The following PCDHA5 variants were observed in gnomAD, a reference collection of about 807,000 sequenced individuals.
PCDHA5 encodes protocadherin alpha 5, also known as protocadherin alpha-5.
Under a neutral mutation model 61.6 loss-of-function variants are expected in PCDHA5, and 43 were observed. The observed-to-expected ratio is 0.70, with a 90% confidence interval of 0.55 to 0.90. PCDHA5 has a LOEUF of 0.90. Ranked by LOEUF, PCDHA5 falls within the 40% of genes least tolerant of loss-of-function variation. The probability of loss-of-function intolerance (pLI) is 0.00; values close to 1 mark genes in which losing one functional copy is unlikely to be tolerated. For missense variants in PCDHA5, 1,298 were observed against 1,222.7 expected (o/e 1.06, Z -0.92); for synonymous variants, 627 against 543.9 (o/e 1.15, Z -2.13).
In PCDHA5 at chr5:140,855,179, G is replaced by A. The variant is rs181253905; in HGVS notation, c.2352+31052G>A. Among the ~76,000 whole-genome samples, 493 of 149,782 alleles carry A rather than the reference G, an allele frequency of 3.3e-3. 32 individuals carry two copies. The highest frequency in any genetic ancestry group is 0.014 in the Middle Eastern group (4 of 290). ...ATTGAGCCTCATGAAAACAAATGTGGCCAAATTGAGGCCTGAGAATAGTTT... is the reference window on the plus strand; with the variant it reads ...ATTGAGCCTCATGAAAACAAATGTGACCAAATTGAGGCCTGAGAATAGTTT... On this transcript the variant is annotated intron_variant, in intron 1 of 3. Coordinates refer to ENST00000529859, the MANE Select transcript of PCDHA5 (RefSeq NM_018908.3).
chr5:140,835,543 G>A (rs2150237824), intron 1 of PCDHA5: 1 of 1,613,934 alleles, frequency 6.2e-7, no homozygotes, highest in African/African-American at 1.3e-5. Context: ...CAGGTTACCT[G>A]CTCCCTGACG....
chr5:140,966,998 C>G, intron 1 of PCDHA5: 1 of 1,604,774 alleles, frequency 6.2e-7, no homozygotes. Context: ...GGGTTGCTTG[C>G]GCATCAACCA....
rs782242128 is a variant in PCDHA5 at position 140,928,580 on chromosome 5, GT to G, written c.2353-50367del. 100 of 1,614,112 alleles carry G rather than the reference GT, an allele frequency of 6.2e-5. 1 individual carries two copies. The East Asian group carries it at 2.2e-3, about 36-fold the overall frequency. ...ATCTTGTTTCCCTTGCCCAGAAATG[GT>G]TCTGTCCCAGTGGAAATTGTGCCCC... On this transcript the variant is annotated intron_variant, in intron 1 of 3. Transcript: ENST00000529859.
At chr5:141,002,907 A>T (rs1201381868) in intron 3 of PCDHA5, among the ~76,000 whole-genome samples, 1 of 152,210 alleles carries the variant, frequency 6.6e-6, no homozygotes, top group Non-Finnish European at 1.5e-5. Flanking sequence ...TGAAGAGAAG[A>T]TCAGAAAAGT....
In PCDHA5 at chr5:140,829,619, G is replaced by A. The variant is rs2150171430; in HGVS notation, c.2352+5492G>A. 40 of 1,612,108 alleles carry A rather than the reference G, an allele frequency of 2.5e-5. No individual in the cohort carries two copies. In the Middle Eastern group the frequency reaches 8.2e-4, roughly 33 times the overall value. Reference sequence around the variant, plus strand: ...GCGCGCGTTGTCGAGCTACATTTCGGTGCACGCGGAGAGCGGCAAGGTGTA... The same window carrying A: ...GCGCGCGTTGTCGAGCTACATTTCGATGCACGCGGAGAGCGGCAAGGTGTA... On this transcript the variant is annotated intron_variant, in intron 1 of 3. Transcript: ENST00000529859.
intron 1 of PCDHA5, chr5:140,842,209 T>C (rs1777791559): frequency 6.2e-7 from 1 of 1,613,490 alleles, no homozygotes. Flanking sequence ...TTAGCATAGA[T>C]CGAAATACGG....
intron 1 of PCDHA5, among the ~76,000 whole-genome samples, chr5:140,924,695 G>C (rs1190287077): frequency 2.6e-5 from 4 of 152,024 alleles, no homozygotes; most frequent in African/African-American, 9.7e-5. Context: ...AGGAGTTCGA[G>C]ACCAGCTTGT....
At chr5:140,856,023 G>A in intron 1 of PCDHA5, 2 of 1,556,224 alleles carry the variant, frequency 1.3e-6, no homozygotes, top group Non-Finnish European at 8.7e-7. Context: ...CTGATTCGTC[G>A]ATTTGTAAAA....
intron 1 of PCDHA5, chr5:140,841,663 G>A: frequency 2.5e-6 from 4 of 1,614,102 alleles, no homozygotes; most frequent in Non-Finnish European, 3.4e-6. Flanking sequence ...ACAGGCCGCT[G>A]CAGGTTTTCC....
intron 1 of PCDHA5, chr5:140,843,325 G>A: frequency 6.3e-7 from 1 of 1,596,050 alleles, no homozygotes. Flanking sequence ...TTCTGGTGTC[G>A]CTGGTGGAGA....
chr5:140,969,075 A>G, intron 1 of PCDHA5: 1 of 1,614,184 alleles, frequency 6.2e-7, no homozygotes, highest in Non-Finnish European at 8.5e-7. Flanking sequence ...AGGATACCGC[A>G]TGGCCTCAAA....
At chr5:140,836,244 C>T (rs2150256239) in intron 1 of PCDHA5, 3 of 1,613,684 alleles carry the variant, frequency 1.9e-6, no homozygotes, top group South Asian at 2.2e-5. Flanking sequence ...TGCGAGCATC[C>T]CGTTCCGCGT....
At chr5:140,845,420 A>T (rs954218239) in intron 1 of PCDHA5, among the ~76,000 whole-genome samples, 2 of 149,530 alleles carry the variant, frequency 1.3e-5, no homozygotes, top group Admixed American at 6.7e-5. Flanking sequence ...GCAATTTATC[A>T]TTTAAGTCAT....
chr5:140,824,178 T>C, intron 1 of PCDHA5, 51 bp downstream of exon 1: 1 of 1,608,694 alleles, frequency 6.2e-7, no homozygotes, highest in Non-Finnish European at 8.5e-7. Context: ...TTTCAAATAT[T>C]AAATGTCACA....
intron 1 of PCDHA5, chr5:140,884,248 G>T (rs1554181373): frequency 1.2e-6 from 2 of 1,613,458 alleles, no homozygotes; most frequent in East Asian, 4.5e-5. Flanking sequence ...CCGCGCTGAC[G>T]GCCACGGCAA....
intron 1 of PCDHA5, chr5:140,875,905 T>C (rs1554168057): frequency 2.0e-5 from 32 of 1,614,104 alleles, no homozygotes; most frequent in Non-Finnish European, 1.6e-5. Flanking sequence ...TGTTTCTGAA[T>C]CTGCGCCTCT....
intron 1 of PCDHA5, among the ~76,000 whole-genome samples, chr5:140,838,160 CTG>C (rs1554136900): frequency 6.7e-6 from 1 of 149,878 alleles, no homozygotes; most frequent in African/African-American, 2.5e-5. Context: ...GTCGCCCTCT[CTG>C]GAGTGCAGTG....
At chr5:140,876,098 A>G in intron 1 of PCDHA5, 2 of 1,613,962 alleles carry the variant, frequency 1.2e-6, no homozygotes, top group Non-Finnish European at 1.7e-6. Flanking sequence ...CCAAAACTCA[A>G]TTTATTGCTG....
intron 1 of PCDHA5, chr5:140,829,740 C>G: frequency 6.2e-7 from 1 of 1,613,670 alleles, no homozygotes; most frequent in Non-Finnish European, 8.5e-7. Context: ...AGCAACGTGA[C>G]GCTGCAGGTG....
Sources: allele counts gnomAD v4.1 joint callset (sites outside exome capture counted in the v4.1 genomes callset), GRCh38; gene constraint gnomAD v4.1.1; transcripts MANE v1.5; gene names NCBI Gene and HGNC (gene_info 2026-07-23, HGNC 2026-07-21).